The following MLIP variants were observed in gnomAD, a reference collection of about 807,000 sequenced individuals.
MLIP encodes muscular LMNA interacting protein, also known as muscular LMNA-interacting protein.
A neutral mutation model predicts 84.8 loss-of-function variants in MLIP; 79 were observed. The ratio of observed to expected loss-of-function variants is 0.93; its 90% CI spans 0.78 to 1.12. The LOEUF (loss-of-function observed/expected upper bound fraction) is 1.12, where lower values mean the gene tolerates loss of function less well. MLIP is among the 50% of genes most tolerant of loss of function. The pLI is 0.00. For synonymous variants in MLIP, 504 were observed against 463.0 expected (o/e 1.09, Z -1.14); for missense variants, 1,257 against 1,160.6 (o/e 1.08, Z -1.21).
At chr6:54,210,049 A>G (rs1473743231) in intron 11 of MLIP, among the ~76,000 whole-genome samples, 2 of 151,536 alleles carry the variant, frequency 1.3e-5, no homozygotes, top group African/African-American at 2.4e-5. Flanking sequence ...CTTAGAATTA[A>G]TGCTAAAGTG....
intron 12 of MLIP, among the ~76,000 whole-genome samples, chr6:54,240,580 T>A (rs1408349224): frequency 6.6e-6 from 1 of 152,240 alleles, no homozygotes. Context: ...GGTTTCTGTC[T>A]CTTCAGCTGT....
intron 12 of MLIP, among the ~76,000 whole-genome samples, chr6:54,245,406 T>C (rs1782010142): frequency 6.6e-6 from 1 of 152,110 alleles, no homozygotes; most frequent in Admixed American, 6.6e-5. Context: ...GCAAAGGAGC[T>C]ACCCTTTTAT....
intron 12 of MLIP, among the ~76,000 whole-genome samples, chr6:54,233,260 C>T (rs1318198189): frequency 6.6e-6 from 1 of 152,000 alleles, no homozygotes; most frequent in Non-Finnish European, 1.5e-5. Flanking sequence ...ACATGTGCCA[C>T]GGTTGTTTGC....
At chr6:54,224,994 A>T (rs930601319) in intron 11 of MLIP, among the ~76,000 whole-genome samples, 2 of 152,148 alleles carry the variant, frequency 1.3e-5, no homozygotes, top group Non-Finnish European at 2.9e-5. Flanking sequence ...TCATTGATTG[A>T]TGGGCATTTG....
intron 1 of MLIP, among the ~76,000 whole-genome samples, chr6:54,088,097 C>T (rs1767620971): frequency 6.6e-6 from 1 of 152,114 alleles, no homozygotes; most frequent in South Asian, 2.1e-4. Context: ...TATGTGTTTT[C>T]CAAACTTGAC....
chr6:54,078,143 A>G (rs970463626), intron 1 of MLIP, among the ~76,000 whole-genome samples: 4 of 152,172 alleles, frequency 2.6e-5, no homozygotes, highest in Non-Finnish European at 5.9e-5. Flanking sequence ...TCTTACTGTC[A>G]TCGATTAGGT....
At chr6:54,126,930 A>G (rs1770968274) in intron 3 of MLIP, among the ~76,000 whole-genome samples, 1 of 152,058 alleles carries the variant, frequency 6.6e-6, no homozygotes, top group African/African-American at 2.4e-5. Context: ...TCTGGCCTTT[A>G]ACCTTTCCAT....
chr6:54,138,165 C>T lies in MLIP; in HGVS notation c.2096C>T (p.Thr699Ile). 6.5e-7 allele frequency: 1 copy of T among 1,536,122 alleles called. No homozygotes were observed. Among genetic ancestry groups the T allele is most frequent in the Non-Finnish European group, 8.7e-7 (1 of 1,146,894 alleles). Reference sequence around the variant, plus strand: ...AGACTTGGGAAATCTGAAAGCACCACCCCCAACCACAGGTCACCTGTTTCA... The same window carrying T: ...AGACTTGGGAAATCTGAAAGCACCATCCCCAACCACAGGTCACCTGTTTCA... ...PSRLGKSEST[T>I]PNHRSPVSTP... Residue 699 changes from threonine to isoleucine, a missense_variant, in exon 4 of 14, where the codon ACC (threonine) becomes ATC (isoleucine). Physicochemically the swap from Thr to Ile is moderately conservative, Grantham distance 89. Coordinates refer to ENST00000502396, the MANE Select transcript of MLIP (RefSeq NM_001281747.2).
intron 1 of MLIP, among the ~76,000 whole-genome samples, chr6:54,035,340 A>G (rs1764367431): frequency 6.6e-6 from 1 of 152,180 alleles, no homozygotes; most frequent in South Asian, 2.1e-4. Flanking sequence ...AGCTCCAGCT[A>G]TATCACAGTT....
chr6:54,083,636 T>C, intron 1 of MLIP: 1 of 1,535,690 alleles, frequency 6.5e-7, no homozygotes, highest in Non-Finnish European at 8.7e-7. Context: ...ATGACATTAT[T>C]AGTACAATTC....
intron 1 of MLIP, among the ~76,000 whole-genome samples, chr6:54,043,738 C>T (rs1370852848): frequency 6.6e-6 from 1 of 152,134 alleles, no homozygotes; most frequent in Non-Finnish European, 1.5e-5. Context: ...TTGGGAGTGA[C>T]ATGGGGGAAA....
intron 12 of MLIP, among the ~76,000 whole-genome samples, chr6:54,241,187 A>T (rs1781713421): frequency 6.6e-6 from 1 of 152,094 alleles, no homozygotes; most frequent in African/African-American, 2.4e-5. Flanking sequence ...AAAAACTTTA[A>T]AAGAAAAATT....
chr6:54,145,384 T>C (rs1255383836), intron 4 of MLIP, among the ~76,000 whole-genome samples: 1 of 152,150 alleles, frequency 6.6e-6, no homozygotes, highest in Non-Finnish European at 1.5e-5. Flanking sequence ...TCAAAATGTG[T>C]CTTTTTTTGG....
At chr6:54,123,459 T>C (rs1172559261) in intron 2 of MLIP, among the ~76,000 whole-genome samples, 1 of 152,178 alleles carries the variant, frequency 6.6e-6, no homozygotes, top group Admixed American at 6.5e-5. Context: ...CAGAGGCAAT[T>C]TGTGTTTTAT....
chr6:54,244,577 CA>C (rs1244081250), intron 12 of MLIP, among the ~76,000 whole-genome samples: 1 of 152,082 alleles, frequency 6.6e-6, no homozygotes, highest in African/African-American at 2.4e-5. Flanking sequence ...AATGAATTAT[CA>C]ATCATTTTTA....
At chr6:54,049,372 C>T (rs1765250136) in intron 1 of MLIP, among the ~76,000 whole-genome samples, 1 of 152,164 alleles carries the variant, frequency 6.6e-6, no homozygotes, top group Non-Finnish European at 1.5e-5. Flanking sequence ...CTTGCTCACA[C>T]TTCTGCTGGG....
At chr6:54,097,159 T>A (rs1409981159) in intron 1 of MLIP, among the ~76,000 whole-genome samples, 1 of 152,220 alleles carries the variant, frequency 6.6e-6, no homozygotes. Context: ...TTTGCTTTTT[T>A]CTTACATTAA....
At chr6:54,228,328 T>G (rs1219655419) in intron 11 of MLIP, among the ~76,000 whole-genome samples, 1 of 151,580 alleles carries the variant, frequency 6.6e-6, no homozygotes, top group Non-Finnish European at 1.5e-5. Context: ...TAGAAGGCAA[T>G]TAGCACAGAT....
intron 5 of MLIP, among the ~76,000 whole-genome samples, chr6:54,151,835 A>G (rs1175620297): frequency 6.6e-6 from 1 of 152,130 alleles, no homozygotes; most frequent in Non-Finnish European, 1.5e-5. Context: ...ATTTTTTCCT[A>G]ATTGAAATAC....
Sources: allele counts gnomAD v4.1 joint callset (sites outside exome capture counted in the v4.1 genomes callset), GRCh38; gene constraint gnomAD v4.1.1; transcripts MANE v1.5; gene names NCBI Gene and HGNC (gene_info 2026-07-23, HGNC 2026-07-21).